Variants in DNAJC13 observed in about 807,000 individuals in gnomAD.
DNAJC13 encodes the protein DnaJ heat shock protein family (Hsp40) member C13, also known as dnaJ homolog subfamily C member 13.
Under a neutral mutation model 290.5 loss-of-function variants are expected in DNAJC13, and 75 were observed. That is an observed-to-expected ratio of 0.26 (90% confidence interval 0.21 to 0.31). The LOEUF (loss-of-function observed/expected upper bound fraction) is 0.31. Among genes scored for constraint, DNAJC13 ranks in the 10% least tolerant of loss-of-function variants. DNAJC13 has a pLI of 1.00. For missense variants in DNAJC13, 2,260 were observed against 2,674.5 expected, an observed-to-expected ratio of 0.85 and a Z score of 3.42; for synonymous variants, 862 against 892.0, an observed-to-expected ratio of 0.97 and a Z score of 0.60.
At chr3:132,470,842 C>T (rs1934203746) in intron 20 of DNAJC13, among the ~76,000 whole-genome samples, 1 of 129,430 alleles carries the variant, frequency 7.7e-6, no homozygotes, top group Admixed American at 7.3e-5. Context: ...AGGCGGGGGG[C>T]TGATCCCCCC....
Position 132,482,297 on chromosome 3 carries a change from C to CA in DNAJC13, c.2949dup (p.Glu984ArgfsTer10). ...AGGAATGGTATTTTGGCAACGCAGA[C>CA]AAAGAAAGGAGTGGCCCGTATGGAT... On this transcript the variant is annotated frameshift_variant, in exon 27 of 56. Coordinates refer to ENST00000260818, the MANE Select transcript of DNAJC13 (RefSeq NM_015268.4). LOFTEE classifies it high-confidence loss of function. The CA allele has an allele frequency of 6.2e-7, 1 of 1,613,780 alleles. No homozygotes were observed. Among genetic ancestry groups the CA allele is most frequent in the Non-Finnish European group, 8.5e-7 (1 of 1,179,774 alleles).
chr3:132,457,603 C>G, intron 13 of DNAJC13: 1 of 444,084 alleles, frequency 2.3e-6, no homozygotes, highest in South Asian at 3.0e-5. Flanking sequence ...TGTTGACAGT[C>G]TGGTAAGGTA....
Position 132,505,325 on chromosome 3 carries a change from C to T in DNAJC13, c.4908C>T (p.Asn1636=). The T allele has an allele frequency of 6.2e-7, 1 of 1,607,970 alleles. No homozygotes were observed. Among genetic ancestry groups the T allele is most frequent in the Middle Eastern group, 1.7e-4 (1 of 6,022 alleles). ...VTEILKMLNS[N]TESPYLIWNN... is the part of the protein sequence containing the mutation. ...AGATTTTGAAGATGCTTAACAGCAA[C>T]ACAGAAAGTCCATATTTGATATGGA... is the stretch of plus-strand genomic sequence containing the variant. The change falls in exon 42 of 56, where the codon AAC becomes AAT. Residue 1636 remains asparagine, a synonymous_variant. Coordinates refer to ENST00000260818, the MANE Select transcript of DNAJC13 (RefSeq NM_015268.4).
At chr3:132,475,355 C>CT (rs909768678) in intron 22 of DNAJC13, among the ~76,000 whole-genome samples, 26 of 150,712 alleles carry the variant, frequency 1.7e-4, no homozygotes, top group East Asian at 1.2e-3. Context: ...TTCCTTTTTT[C>CT]TTTTTTTTTC....
intron 16 of DNAJC13, 151 bp from the exon 17 acceptor site, chr3:132,463,545 T>TG: frequency 1.6e-6 from 1 of 626,806 alleles, no homozygotes; most frequent in South Asian, 3.0e-5. Context: ...TACTCACCTA[T>TG]TTTTTTTTGG....
chr3:132,528,388 G>C, intron 54 of DNAJC13, 56 bp downstream of exon 54: 6 of 1,599,756 alleles, frequency 3.8e-6, no homozygotes, highest in Non-Finnish European at 5.1e-6. Flanking sequence ...CTTGGCCATG[G>C]ATGGTCCACG....
intron 41 of DNAJC13, among the ~76,000 whole-genome samples, chr3:132,503,649 C>T (rs901808026): frequency 1.3e-5 from 2 of 152,148 alleles, no homozygotes; most frequent in East Asian, 1.9e-4. Context: ...AGGGACAGGA[C>T]GAGAGAGTGA....
At chr3:132,449,121 A>C (rs191393979) in intron 5 of DNAJC13, among the ~76,000 whole-genome samples, 11 of 152,284 alleles carry the variant, frequency 7.2e-5, no homozygotes, top group African/African-American at 2.2e-4. Context: ...AAGGGGCTCA[A>C]AGTGACACCT....
intron 52 of DNAJC13, 32 bp from the exon 53 acceptor site, chr3:132,526,109 T>G: frequency 1.2e-6 from 2 of 1,612,010 alleles, no homozygotes; most frequent in Non-Finnish European, 1.7e-6. Context: ...ATATTGCCAG[T>G]CTACAAGTAA....
At chr3:132,437,921 C>G (rs1209569836) in intron 2 of DNAJC13, among the ~76,000 whole-genome samples, 1 of 151,938 alleles carries the variant, frequency 6.6e-6, no homozygotes, top group Non-Finnish European at 1.5e-5. Context: ...CATGGCGGCG[C>G]TCCCCTTTAG....
rs755350238 is a variant in DNAJC13, at chr3:132,484,629, A to G, written c.3224A>G (p.Lys1075Arg). 2.3e-5 allele frequency: 37 copies of G among 1,614,048 alleles called. No homozygotes were observed. Among genetic ancestry groups the G allele is most frequent in the Admixed American group, 6.7e-5 (4 of 59,994 alleles). The change falls in exon 29 of 56, where the codon AAA becomes AGA. Residue 1075 changes from lysine (K) to arginine (R), a missense_variant. By Grantham distance (26) the Lys-to-Arg change is conservative. Around this residue, in one of 3 missense-constraint regions of DNAJC13, gnomAD observed 1,494 missense variants for 1,693.7 expected, o/e 0.88. Transcript: ENST00000260818. Reference sequence around the variant, plus strand: ...ATCATTCGGCCTCTACCCAAAGTGAAAAGACTGCTGTCAGATAGCACTTGC... The same window carrying G: ...ATCATTCGGCCTCTACCCAAAGTGAGAAGACTGCTGTCAGATAGCACTTGC... ...NAIIRPLPKV[K>R]RLLSDSTCLP...
At chr3:132,520,527 A>T (rs1446064368) in intron 48 of DNAJC13, among the ~76,000 whole-genome samples, 1 of 152,246 alleles carries the variant, frequency 6.6e-6, no homozygotes, top group African/African-American at 2.4e-5. Context: ...TACAGATGAT[A>T]GACTTGGGTC....
chr3:132,500,372 A>T (rs550348792), intron 38 of DNAJC13, among the ~76,000 whole-genome samples: 1 of 152,242 alleles, frequency 6.6e-6, no homozygotes, highest in Non-Finnish European at 1.5e-5. Flanking sequence ...ATATTCTGCT[A>T]TGTTAATAAA....
rs536053303 is a variant in DNAJC13, at chr3:132,489,147, G to C, written c.3468+126G>C. The C allele has an allele frequency of 2.1e-4, 140 of 663,838 alleles. No individual in the cohort carries two copies. In the South Asian group the frequency reaches 3.1e-3, roughly 15 times the overall value. 41.1% of individuals were successfully genotyped at this position (663,838 alleles called of 1,614,324 possible). A position where few individuals can be genotyped will look rare whatever the true frequency, so the allele number is the denominator to read the frequency against. ...TTGAGGGTAGGTATTGTTTTATTCT[G>C]TTCTTACATTGTTTGTGGTACCTTG... On this transcript the variant is annotated intron_variant, in intron 31 of 55. Transcript: ENST00000260818.
chr3:132,494,376 A>C lies in DNAJC13; in HGVS notation c.3941+117A>C, dbSNP rs1935164257. The C allele has an allele frequency of 3.8e-6, 3 of 781,106 alleles. No homozygotes were observed. In the South Asian group the frequency reaches 4.8e-5, roughly 13 times the overall value. 48.4% of individuals were successfully genotyped at this position (781,106 alleles called of 1,614,324 possible). A position where few individuals can be genotyped will look rare whatever the true frequency, so the allele number is the denominator to read the frequency against. ...ATCTTTTGCCTATACTTTGATATATACACCTTGGGAATAACCATATGGAAC... is the reference window on the plus strand; with the variant it reads ...ATCTTTTGCCTATACTTTGATATATCCACCTTGGGAATAACCATATGGAAC... On this transcript the variant is annotated intron_variant, in intron 34 of 55. Transcript: ENST00000260818.
intron 33 of DNAJC13, among the ~76,000 whole-genome samples, chr3:132,493,394 A>G (rs951325406): frequency 6.6e-6 from 1 of 152,022 alleles, no homozygotes; most frequent in Non-Finnish European, 1.5e-5. Context: ...AAAGGCAGGT[A>G]GACTCTGGTA....
chr3:132,463,464 T>C (rs1396580564), intron 16 of DNAJC13, among the ~76,000 whole-genome samples: 10 of 152,172 alleles, frequency 6.6e-5, no homozygotes, highest in Non-Finnish European at 1.5e-4. Context: ...TAGCAAAGCA[T>C]AGTTTATGAG....
intron 51 of DNAJC13, among the ~76,000 whole-genome samples, chr3:132,524,888 T>G (rs1172056034): frequency 6.6e-6 from 1 of 152,242 alleles, no homozygotes; most frequent in East Asian, 1.9e-4. Flanking sequence ...TAGAAAGTGC[T>G]TTGTGGGAGC....
intron 32 of DNAJC13, among the ~76,000 whole-genome samples, chr3:132,491,886 GA>G (rs762874206): frequency 2.6e-5 from 4 of 151,884 alleles, no homozygotes; most frequent in Non-Finnish European, 5.9e-5. Context: ...TTTTCATTGG[GA>G]AAAAATATAT....
Sources: allele counts gnomAD v4.1 joint callset (sites outside exome capture counted in the v4.1 genomes callset), GRCh38; gene constraint gnomAD v4.1.1; regional missense constraint gnomAD v4.1.1; transcripts MANE v1.5; gene names NCBI Gene and HGNC (gene_info 2026-07-23, HGNC 2026-07-21).